The following PLD1 variants were observed in gnomAD, a reference collection of about 807,000 sequenced individuals.
PLD1 encodes phospholipase D1, also known as choline phosphatase 1.
PLD1 carries 112 observed loss-of-function variants against 137.1 expected under a neutral mutation model. That is an observed-to-expected ratio of 0.82 (90% CI 0.70 to 0.96). The LOEUF is 0.96. PLD1 is among the 40% of genes least tolerant of loss of function. The pLI, the probability that PLD1 is intolerant of heterozygous loss-of-function variation, is 0.00. For synonymous variants in PLD1, 431 were observed against 454.7 expected, an observed-to-expected ratio of 0.95 and a Z score of 0.66; for missense variants, 1,321 against 1,342.0, an observed-to-expected ratio of 0.98 and a Z score of 0.24.
intron 17 of PLD1, 104 bp downstream of exon 17, chr3:171,677,462 G>T (rs879395674): frequency 4.2e-6 from 5 of 1,189,332 alleles, no homozygotes; most frequent in Non-Finnish European, 4.6e-6. Context: ...AAAAATCAAC[G>T]GAAGCAAAAC....
At chr3:171,697,671 T>A (rs114931875) in intron 12 of PLD1, among the ~76,000 whole-genome samples, 1 of 152,314 alleles carries the variant, frequency 6.6e-6, no homozygotes, top group African/African-American at 2.4e-5. Flanking sequence ...GCTGTTTACA[T>A]CTACTACACC....
chr3:171,728,870 T>C (rs1718725080), intron 6 of PLD1, among the ~76,000 whole-genome samples: 1 of 152,162 alleles, frequency 6.6e-6, no homozygotes, highest in African/African-American at 2.4e-5. Context: ...TAATTTATCC[T>C]AATGGCTTAG....
At chr3:171,720,493 G>A (rs899696047) in intron 8 of PLD1, among the ~76,000 whole-genome samples, 7 of 151,528 alleles carry the variant, frequency 4.6e-5, no homozygotes, top group African/African-American at 1.7e-4. Flanking sequence ...TGAGGCAGGA[G>A]AACGGCATGA....
chr3:171,636,472 G>C (rs765515455), intron 23 of PLD1, among the ~76,000 whole-genome samples: 3 of 151,498 alleles, frequency 2.0e-5, no homozygotes, highest in African/African-American at 4.8e-5. Flanking sequence ...TTTCAGCGTA[G>C]GTATCTTCCA....
intron 3 of PLD1, among the ~76,000 whole-genome samples, chr3:171,736,689 G>C (rs1719381831): frequency 6.6e-6 from 1 of 152,160 alleles, no homozygotes; most frequent in South Asian, 2.1e-4. Flanking sequence ...GGAAGGGAAG[G>C]CAAAGCATGC....
chr3:171,661,064 G>A (rs928807353), intron 20 of PLD1, among the ~76,000 whole-genome samples: 5 of 152,158 alleles, frequency 3.3e-5, no homozygotes, highest in Admixed American at 6.5e-5. Context: ...TGCAGAGTTC[G>A]CTCATTTTCC....
chr3:171,605,225 G>A lies in PLD1; in HGVS notation c.3000+74C>T, dbSNP rs559629383. 5 of 883,338 alleles carry A rather than the reference G, an allele frequency of 5.7e-6. No homozygotes were observed. The African/African-American group carries it at 8.2e-5, about 14-fold the overall frequency. 54.7% of individuals were successfully genotyped at this position (883,338 alleles called of 1,614,324 possible). ...TAAGAATACCCTGTACCAATAATAT[G>A]CAGAAATAACAATATGCTTTTTGTG... On this transcript the variant is annotated intron_variant, in intron 26 of 26. Coordinates refer to ENST00000351298, the MANE Select transcript of PLD1 (RefSeq NM_002662.5).
At chr3:171,615,508 T>G (rs1578107512) in intron 24 of PLD1, among the ~76,000 whole-genome samples, 1 of 152,222 alleles carries the variant, frequency 6.6e-6, no homozygotes, top group South Asian at 2.1e-4. Context: ...TTCCCATGCA[T>G]ACCCTTCCCT....
At chr3:171,801,406 G>A (rs1159329967) in intron 1 of PLD1, among the ~76,000 whole-genome samples, 6 of 152,188 alleles carry the variant, frequency 3.9e-5, no homozygotes, top group Non-Finnish European at 8.8e-5. Context: ...TCCAACATGC[G>A]TTTCTGGCAT....
chr3:171,644,293 C>T (rs1451820478), intron 22 of PLD1, among the ~76,000 whole-genome samples: 1 of 152,194 alleles, frequency 6.6e-6, no homozygotes, highest in Non-Finnish European at 1.5e-5. Flanking sequence ...CTAGCACTTT[C>T]CAGCCCTTTT....
chr3:171,709,571 A>G lies in PLD1; in HGVS notation c.1050T>C (p.Ala350=). 1 of 1,613,846 alleles carries G rather than the reference A, an allele frequency of 6.2e-7. No individual in the cohort carries two copies. The highest frequency in any genetic ancestry group is 2.2e-5 in the East Asian group (1 of 44,870). Residue 350 remains alanine (A), a synonymous_variant, in exon 10 of 27, where the codon GCT becomes GCC. Coordinates refer to ENST00000351298, the MANE Select transcript of PLD1 (RefSeq NM_002662.5). ...AAATAATAACTTACCATTTAGCTAAAGCATTCTCTTGGATAGCAGCATATG... is the reference window on the plus strand; with the variant it reads ...AAATAATAACTTACCATTTAGCTAAGGCATTCTCTTGGATAGCAGCATATG... The part of the protein sequence containing the change: ...FGSYAAIQEN[A]LAKWYVNAKG...
chr3:171,747,448 C>T (rs897402042), intron 1 of PLD1, among the ~76,000 whole-genome samples: 1 of 151,690 alleles, frequency 6.6e-6, no homozygotes, highest in African/African-American at 2.4e-5. Context: ...TGCCTTCTTC[C>T]CTGCCTCTCT....
Position 171,710,483 on chromosome 3 carries a change from A to G in PLD1, c.912-774T>C, listed in dbSNP as rs895021226. Among the ~76,000 whole-genome samples, 3 of 152,178 alleles carry G rather than the reference A, an allele frequency of 2.0e-5. No individual in the cohort carries two copies. The East Asian group carries it at 5.8e-4, about 29-fold the overall frequency. On this transcript the variant is annotated intron_variant, in intron 9 of 26. Coordinates refer to ENST00000351298, the MANE Select transcript of PLD1 (RefSeq NM_002662.5). The stretch of plus-strand genomic sequence containing the variant: ...GATTCTCGTGAGGAGCGCGCAGCCG[A>G]GATCCCGCGCATGTGCAATCCACAA...
intron 8 of PLD1, among the ~76,000 whole-genome samples, chr3:171,723,564 G>A (rs758525537): frequency 3.3e-4 from 50 of 151,932 alleles, no homozygotes; most frequent in Non-Finnish European, 5.4e-4. Context: ...CTCCGTAGTC[G>A]TCGTACTAAT....
At chr3:171,700,229 C>T (rs146305868) in intron 11 of PLD1, among the ~76,000 whole-genome samples, 5 of 151,962 alleles carry the variant, frequency 3.3e-5, no homozygotes, top group African/African-American at 7.3e-5. Context: ...TAGAGCACAA[C>T]GTGACACAAT....
intron 16 of PLD1, among the ~76,000 whole-genome samples, chr3:171,681,587 T>G (rs1713978049): frequency 6.6e-6 from 1 of 152,208 alleles, no homozygotes; most frequent in Non-Finnish European, 1.5e-5. Context: ...CAAGTTATAT[T>G]TTAAAAAATA....
intron 11 of PLD1, among the ~76,000 whole-genome samples, chr3:171,704,527 C>T (rs1408596329): frequency 2.7e-5 from 4 of 146,604 alleles, no homozygotes; most frequent in Admixed American, 6.8e-5. Context: ...ACCAAGACGA[C>T]ATGGATATTG....
Position 171,622,425 on chromosome 3 carries a change from C to A in PLD1, c.2594-1905G>T, listed in dbSNP as rs560535178. Among the ~76,000 whole-genome samples, 153 of 152,212 alleles carry A rather than the reference C, an allele frequency of 1.0e-3. 5 individuals are homozygous for A. The South Asian group carries it at 0.031, about 31-fold the overall frequency. ...TAGTATACACTAAGAAAATAATACA[C>A]CATGACCAAGTGAGATGCATTCCAG... On this transcript the variant is annotated intron_variant, in intron 23 of 26. Transcript: ENST00000351298.
At chr3:171,669,332 G>T (rs1172934522) in intron 19 of PLD1, among the ~76,000 whole-genome samples, 2 of 152,056 alleles carry the variant, frequency 1.3e-5, no homozygotes, top group Non-Finnish European at 2.9e-5. Context: ...TAGATTTATG[G>T]CATAAAAATT....
Sources: gnomAD v4.1 joint callset for allele counts (sites outside exome capture counted in the v4.1 genomes callset) on GRCh38, gnomAD v4.1.1 for gene constraint, MANE v1.5 for transcripts, NCBI Gene and HGNC (gene_info 2026-07-23, HGNC 2026-07-21) for gene names.